Variants in ZNF680 observed in about 807,000 individuals in gnomAD.
ZNF680 encodes the protein hypothetical protein FLJ90430.
ZNF680 carries 6 observed loss-of-function variants against 12.1 expected under a neutral mutation model. The ratio of observed to expected loss-of-function variants is 0.49; its 90% CI spans 0.27 to 0.98. The LOEUF (loss-of-function observed/expected upper bound fraction) is 0.98. ZNF680 is among the 50% of genes least tolerant of loss of function. The pLI, the probability that ZNF680 is intolerant of heterozygous loss-of-function variation, is 0.12. For synonymous variants in ZNF680, 170 were observed against 199.3 expected (o/e 0.85, Z 1.24); for missense variants, 561 against 616.3 (o/e 0.91, Z 0.95).
chr7:64,501,511 G>T, the ZNF680 span: 2,313 of 793,164 alleles, frequency 2.9e-3, 36 homozygotes, highest in African/African-American at 0.035. Flanking sequence ...ATGAAGAACG[G>T]TAAGTGAGAA....
chr7:64,510,779 G>A, the ZNF680 span, among the ~76,000 whole-genome samples: 28 of 131,410 alleles, frequency 2.1e-4, 1 homozygote, highest in East Asian at 1.5e-3. Flanking sequence ...GCGTAGTGGC[G>A]GGCGCCTGTA....
chr7:64,518,492 T>G (rs969279895), downstream of ZNF680, among the ~76,000 whole-genome samples: 1 of 151,956 alleles, frequency 6.6e-6, no homozygotes. Context: ...AATGACTACA[T>G]TGCCAAAAGC....
intron 3 of ZNF680, among the ~76,000 whole-genome samples, chr7:64,535,019 AG>A (rs1297851841): frequency 3.1e-5 from 4 of 129,624 alleles, no homozygotes; most frequent in South Asian, 2.9e-4. Flanking sequence ...CTTGGGTGGG[AG>A]GGGGGCAAGA....
At position 64,550,586 on chromosome 7, in the gene ZNF680, A is replaced by C. The variant is rs528559647; in HGVS notation, c.31-6154T>G. On this transcript the variant is annotated intron_variant, in intron 1 of 3. Coordinates refer to ENST00000309683, the MANE Select transcript of ZNF680 (RefSeq NM_178558.5). ...AGAGATTCTCATTTCTACTCAATGC[A>C]CACGTTACTCTAAGTTTGTGAGCCT... 2.0e-4 allele frequency among the ~76,000 whole-genome samples: 30 copies of C among 152,326 alleles called. 2 individuals are homozygous for C. In the South Asian group the frequency reaches 3.7e-3, roughly 19 times the overall value.
the ZNF680 span, among the ~76,000 whole-genome samples, chr7:64,506,486 C>T: frequency 6.6e-6 from 1 of 151,968 alleles, no homozygotes; most frequent in African/African-American, 2.4e-5. Context: ...CCACACCCAG[C>T]CTAGTCTTTT....
Position 64,521,469 on chromosome 7 carries a change from T to C in ZNF680, c.1285A>G (p.Thr429Ala). 1 of 1,613,560 alleles carries C rather than the reference T, an allele frequency of 6.2e-7. No homozygotes were observed. Among genetic ancestry groups the C allele is most frequent in the Non-Finnish European group, 8.5e-7 (1 of 1,179,728 alleles). ...SSLTRHKRIHTRENTYKCEEC... is the reference protein window; with the variant it reads ...SSLTRHKRIHARENTYKCEEC... ...TCACATTTGTAGGTATTCTCTCTAG[T>C]GTGAATTCTCTTATGTCGAGTAAGG... is the stretch of plus-strand genomic sequence containing the variant. Residue 429 changes from threonine to alanine, a missense_variant, in exon 4 of 4, where the codon ACT (threonine) becomes GCT (alanine). Coordinates refer to ENST00000309683, the MANE Select transcript of ZNF680 (RefSeq NM_178558.5).
intron 3 of ZNF680, among the ~76,000 whole-genome samples, chr7:64,527,160 C>G (rs765998434): frequency 2.1e-4 from 32 of 152,152 alleles, no homozygotes; most frequent in Non-Finnish European, 3.7e-4. Context: ...ATCACTTGAA[C>G]CCAGGAGGCG....
chr7:64,499,248 T>TA, the ZNF680 span, among the ~76,000 whole-genome samples: 1 of 149,810 alleles, frequency 6.7e-6, no homozygotes, highest in African/African-American at 2.5e-5. Flanking sequence ...GAAAAATACT[T>TA]ACAGCTACCA....
chr7:64,527,521 C>A (rs1791929148), intron 3 of ZNF680, among the ~76,000 whole-genome samples: 1 of 152,016 alleles, frequency 6.6e-6, no homozygotes, highest in Non-Finnish European at 1.5e-5. Context: ...CATGGAGAAT[C>A]CCCGTCTCTA....
intron 1 of ZNF680, chr7:64,551,827 C>T (rs1787095761): frequency 6.6e-6 from 1 of 152,260 alleles, no homozygotes; most frequent in Non-Finnish European, 1.5e-5. Context: ...TGAGAAAAAA[C>T]TCAGATTACA....
rs1458161946 is a variant in ZNF680, at chr7:64,547,628, A to AT, written c.31-3197dup. 3.9e-5 allele frequency among the ~76,000 whole-genome samples: 6 copies of AT among 152,000 alleles called. No homozygotes were observed. The East Asian group carries it at 9.6e-4, about 24-fold the overall frequency. On this transcript the variant is annotated intron_variant, in intron 1 of 3. Coordinates refer to ENST00000309683, the MANE Select transcript of ZNF680 (RefSeq NM_178558.5). ...TATTTCTTCTGTTTCTCTGTCATTG[A>AT]TTTTTTCTTGAAGATGTATAAAATA...
intron 1 of ZNF680, among the ~76,000 whole-genome samples, chr7:64,555,034 CA>C: frequency 6.6e-6 from 1 of 152,094 alleles, no homozygotes; most frequent in East Asian, 1.9e-4. Flanking sequence ...ATGAATAAAG[CA>C]AGTTCTTAGA....
downstream of ZNF680, among the ~76,000 whole-genome samples, chr7:64,516,180 TA>T (rs1791351294): frequency 6.6e-6 from 1 of 152,236 alleles, no homozygotes; most frequent in South Asian, 2.1e-4. Context: ...TTTTGCTTAT[TA>T]AACTTTCACT....
chr7:64,554,513 C>G (rs906345826), intron 1 of ZNF680, among the ~76,000 whole-genome samples: 4 of 152,144 alleles, frequency 2.6e-5, no homozygotes, highest in Non-Finnish European at 5.9e-5. Flanking sequence ...TCATTGAGAA[C>G]GGGCCATGAT....
Position 64,522,485 on chromosome 7 carries a change from A to C in ZNF680, c.269T>G (p.Phe90Cys), listed in dbSNP as rs373809951. 4.0e-6 allele frequency: 6 copies of C among 1,509,712 alleles called. No individual in the cohort carries two copies. In the African/African-American group the frequency reaches 5.6e-5, roughly 14 times the overall value. The allele number at this position is 1,509,712 out of a possible 1,614,324, so 93.5% of individuals were successfully genotyped here. A position where few individuals can be genotyped will look rare whatever the true frequency, so the allele number is the denominator to read the frequency against. The change falls in exon 4 of 4, where the codon TTC (phenylalanine) becomes TGC (cysteine). Residue 90 changes from phenylalanine (F) to cysteine (C), a missense_variant. Phe to Cys is a radical substitution (Grantham distance 205). Transcript: ENST00000309683. The stretch of plus-strand genomic sequence containing the variant: ...ATGCTCTGGCCAAAGGTCTTCAGTG[A>C]AATGAGAATATATAACTGAAAGACA... ...VAKPPVIYSH[F>C]TEDLWPEHSI...
chr7:64,504,223 CTA>C, the ZNF680 span, among the ~76,000 whole-genome samples: 1 of 152,122 alleles, frequency 6.6e-6, no homozygotes, highest in South Asian at 2.1e-4. Flanking sequence ...CCCTCTTTCA[CTA>C]TTTCAATGCC....
At chr7:64,544,463 C>A (rs1175019311) in intron 1 of ZNF680, 31 bp from the exon 2 acceptor site, 1 of 1,588,878 alleles carries the variant, frequency 6.3e-7, no homozygotes, top group Non-Finnish European at 8.6e-7. Context: ...CACACACACA[C>A]ACACACACTT....
At position 64,521,024 on chromosome 7, in the gene ZNF680, T is replaced by G; in HGVS notation, c.*137A>C. The stretch of plus-strand genomic sequence containing the variant: ...GTATTGGTTAAGTTTTGTCACATTC[T>G]TTACACTTATAAAGTTTTCTCCAAT... On this transcript the variant is annotated 3_prime_UTR_variant, in exon 4 of 4. Coordinates refer to ENST00000309683, the MANE Select transcript of ZNF680 (RefSeq NM_178558.5). 1 of 971,590 alleles carries G rather than the reference T, an allele frequency of 1.0e-6. No individual in the cohort carries two copies. Among genetic ancestry groups the G allele is most frequent in the Non-Finnish European group, 1.5e-6 (1 of 668,782 alleles). 60.2% of individuals were successfully genotyped at this position (971,590 alleles called of 1,614,324 possible).
At position 64,520,244 on chromosome 7, in the gene ZNF680, T is replaced by C. The variant is rs1791457583; in HGVS notation, c.*917A>G. The C allele has an allele frequency of 6.6e-6, 1 of 151,778 alleles. No individual in the cohort carries two copies. 9.4% of individuals were successfully genotyped at this position (151,778 alleles called of 1,614,324 possible). On this transcript the variant is annotated 3_prime_UTR_variant, in exon 4 of 4. Transcript: ENST00000309683. ...CACAGCAACAATTTATCACATGCTT[T>C]CACATGTGAATACAATAGGAATGAA...
Sources: gnomAD v4.1 joint callset for allele counts (sites outside exome capture counted in the v4.1 genomes callset) on GRCh38, gnomAD v4.1.1 for gene constraint, MANE v1.5 for transcripts, NCBI Gene and HGNC (gene_info 2026-07-23, HGNC 2026-07-21) for gene names.